Variants in TRAM2 observed in about 807,000 individuals in gnomAD.
The protein encoded by TRAM2 is translocating chain-associated membrane protein 2.
A neutral mutation model predicts 51.0 loss-of-function variants in TRAM2; 12 were observed. The ratio of observed to expected loss-of-function variants is 0.24; its 90% confidence interval spans 0.15 to 0.38. The LOEUF is 0.38. Ranked by LOEUF, TRAM2 falls within the 10% of genes least tolerant of loss-of-function variation. The pLI, the probability that TRAM2 is intolerant of heterozygous loss-of-function variation, is 1.00. For synonymous variants in TRAM2, 175 were observed against 179.4 expected (o/e 0.98, Z 0.20); for missense variants, 361 against 462.0 (o/e 0.78, Z 2.00).
intron 4 of TRAM2, among the ~76,000 whole-genome samples, chr6:52,511,703 C>T (rs142478773): frequency 7.2e-4 from 110 of 152,328 alleles, no homozygotes; most frequent in African/African-American, 2.5e-3. Context: ...GACCTATCAG[C>T]ATGCCTTTCG....
chr6:52,544,998 T>C (rs1767173047), intron 1 of TRAM2, among the ~76,000 whole-genome samples: 1 of 152,226 alleles, frequency 6.6e-6, no homozygotes, highest in Non-Finnish European at 1.5e-5. Flanking sequence ...CTCTCTCACA[T>C]ACACAGTTAT....
intron 1 of TRAM2, among the ~76,000 whole-genome samples, chr6:52,569,491 G>C (rs748241274): frequency 7.3e-5 from 11 of 151,390 alleles, no homozygotes; most frequent in Non-Finnish European, 1.2e-4. Flanking sequence ...ATGCAATAAC[G>C]TATGTATAAG....
At chr6:52,522,782 G>A in intron 2 of TRAM2, 1 of 608,222 alleles carries the variant, frequency 1.6e-6, no homozygotes, top group Non-Finnish European at 2.9e-6. Context: ...TGGCTGTTTT[G>A]ACAACCTCTG....
intron 1 of TRAM2, among the ~76,000 whole-genome samples, chr6:52,542,374 C>T (rs969529499): frequency 2.6e-5 from 4 of 151,168 alleles, no homozygotes; most frequent in East Asian, 1.9e-4. Flanking sequence ...GTGTGATGGA[C>T]GTGGGTTTGC....
At chr6:52,540,369 GGCAAAGAAAAGAA>G (rs750417756) in intron 1 of TRAM2, among the ~76,000 whole-genome samples, 2 of 152,112 alleles carry the variant, frequency 1.3e-5, no homozygotes, top group African/African-American at 2.4e-5. Context: ...ATGCATTTTA[GGCAAAGAAAAGAA>G]GCAAGGAATG....
chr6:52,505,916 C>T (rs1490713792), intron 8 of TRAM2, 116 bp downstream of exon 8: 2 of 1,391,714 alleles, frequency 1.4e-6, no homozygotes, highest in South Asian at 2.6e-5. Context: ...CGGGAGGGCA[C>T]CACCTGCAGG....
Position 52,507,545 on chromosome 6 carries a change from T to A in TRAM2, c.626+8A>T. 1.9e-6 allele frequency: 3 copies of A among 1,613,998 alleles called. No homozygotes were observed. The highest frequency in any genetic ancestry group is 1.7e-6 in the Non-Finnish European group (2 of 1,179,902). On this transcript the variant is annotated splice_region_variant and intron_variant, in intron 7 of 10. Coordinates refer to ENST00000182527, the MANE Select transcript of TRAM2 (RefSeq NM_012288.4). ...AGGAAATCTGGCTGGCTCCATGGTCTCACTCACTTTAAGAGGTATGCTCCA... is the reference window on the plus strand; with the variant it reads ...AGGAAATCTGGCTGGCTCCATGGTCACACTCACTTTAAGAGGTATGCTCCA...
chr6:52,531,351 CTTGA>C (rs959482863), intron 2 of TRAM2, among the ~76,000 whole-genome samples: 3 of 152,176 alleles, frequency 2.0e-5, no homozygotes, highest in African/African-American at 7.2e-5. Flanking sequence ...CATTGTCTCT[CTTGA>C]TTATTTGCTT....
intron 4 of TRAM2, among the ~76,000 whole-genome samples, chr6:52,511,816 AG>A (rs2114065631): frequency 6.6e-6 from 1 of 152,284 alleles, no homozygotes; most frequent in East Asian, 1.9e-4. Flanking sequence ...CTGTAGTCAC[AG>A]TCACCTGGAT....
chr6:52,534,169 G>T (rs187599489), intron 2 of TRAM2, among the ~76,000 whole-genome samples: 1 of 150,948 alleles, frequency 6.6e-6, no homozygotes, highest in East Asian at 1.9e-4. Context: ...ATCACCTGAG[G>T]TCGGAAGTTC....
At chr6:52,570,579 G>A (rs1357182925) in intron 1 of TRAM2, among the ~76,000 whole-genome samples, 1 of 152,146 alleles carries the variant, frequency 6.6e-6, no homozygotes, top group Non-Finnish European at 1.5e-5. Flanking sequence ...CTCTGGATGA[G>A]TATGGCAACC....
chr6:52,503,824 T>C (rs1766287617), intron 10 of TRAM2, among the ~76,000 whole-genome samples: 2 of 152,142 alleles, frequency 1.3e-5, no homozygotes, highest in South Asian at 2.1e-4. Context: ...CTCCGTGCGC[T>C]TGCTCAAATT....
At chr6:52,527,215 T>C (rs1371838416) in intron 2 of TRAM2, among the ~76,000 whole-genome samples, 1 of 151,500 alleles carries the variant, frequency 6.6e-6, no homozygotes, top group Non-Finnish European at 1.5e-5. Flanking sequence ...CCATCCCTAC[T>C]AACAATACAA....
intron 10 of TRAM2, among the ~76,000 whole-genome samples, 189 bp from the exon 11 acceptor site, chr6:52,503,459 T>C (rs919604665): frequency 1.3e-5 from 2 of 152,094 alleles, no homozygotes; most frequent in African/African-American, 2.4e-5. Flanking sequence ...AGGAGGGTCC[T>C]GTCTTCCCCA....
intron 1 of TRAM2, among the ~76,000 whole-genome samples, chr6:52,552,204 T>C (rs1767321848): frequency 6.6e-6 from 1 of 152,178 alleles, no homozygotes; most frequent in Admixed American, 6.5e-5. Flanking sequence ...GAGAGCGAGA[T>C]TCCAGGCTCC....
At chr6:52,530,722 G>A (rs1181910880) in intron 2 of TRAM2, among the ~76,000 whole-genome samples, 1 of 152,134 alleles carries the variant, frequency 6.6e-6, no homozygotes, top group Admixed American at 6.5e-5. Flanking sequence ...AAGGAGCGCG[G>A]CCCCTCTGCT....
intron 5 of TRAM2, among the ~76,000 whole-genome samples, chr6:52,508,914 AT>A (rs1448637592): frequency 6.6e-6 from 1 of 152,192 alleles, no homozygotes; most frequent in African/African-American, 2.4e-5. Context: ...CATGTCTGTA[AT>A]CCAAGCTACT....
chr6:52,559,454 G>A (rs919684643), intron 1 of TRAM2, among the ~76,000 whole-genome samples: 12 of 152,158 alleles, frequency 7.9e-5, no homozygotes, highest in African/African-American at 2.2e-4. Flanking sequence ...GATGAGCAAC[G>A]AGAGTCCTTA....
At chr6:52,524,412 CG>C (rs1398209967) in intron 2 of TRAM2, 4 of 113,878 alleles carry the variant, frequency 3.5e-5, no homozygotes, top group Admixed American at 2.5e-4. Context: ...ATTCTTGGGG[CG>C]GGGGGTGGGT....
Sources: allele counts gnomAD v4.1 joint callset (sites outside exome capture counted in the v4.1 genomes callset), GRCh38; gene constraint gnomAD v4.1.1; transcripts MANE v1.5; gene names NCBI Gene and HGNC (gene_info 2026-07-23, HGNC 2026-07-21).